Variants in ZCCHC7 observed in about 807,000 individuals in gnomAD.
ZCCHC7 encodes the protein zinc finger CCHC domain-containing protein 7.
A neutral mutation model predicts 52.0 loss-of-function variants in ZCCHC7; 35 were observed. The ratio of observed to expected loss-of-function variants is 0.67; its 90% CI spans 0.51 to 0.89. The LOEUF is 0.89. Ranked by LOEUF, ZCCHC7 falls within the 40% of genes least tolerant of loss-of-function variation. The pLI is 0.00. For synonymous variants in ZCCHC7, 217 were observed against 221.5 expected, an observed-to-expected ratio of 0.98 and a Z score of 0.18; for missense variants, 574 against 649.1, an observed-to-expected ratio of 0.88 and a Z score of 1.26.
chr9:37,255,027 A>G (rs1036747979), intron 2 of ZCCHC7, among the ~76,000 whole-genome samples: 1 of 151,788 alleles, frequency 6.6e-6, no homozygotes, highest in East Asian at 1.9e-4. Flanking sequence ...GTCTACCCTT[A>G]TCTTTAGGGA....
chr9:37,154,916 T>C (rs1323961026), intron 2 of ZCCHC7, among the ~76,000 whole-genome samples: 1 of 152,236 alleles, frequency 6.6e-6, no homozygotes, highest in Non-Finnish European at 1.5e-5. Flanking sequence ...TATTAAAGTA[T>C]AGAGAATTTA....
intron 6 of ZCCHC7, among the ~76,000 whole-genome samples, chr9:37,339,391 A>G (rs1438805620): frequency 2.6e-5 from 4 of 152,188 alleles, no homozygotes; most frequent in Non-Finnish European, 5.9e-5. Flanking sequence ...AAAGGGAGGA[A>G]AGGGAACAGT....
chr9:37,189,289 A>G (rs905954994), intron 2 of ZCCHC7, among the ~76,000 whole-genome samples: 2 of 151,636 alleles, frequency 1.3e-5, no homozygotes, highest in African/African-American at 4.8e-5. Context: ...GGTTTTCCTG[A>G]TTCTTCATTT....
intron 2 of ZCCHC7, among the ~76,000 whole-genome samples, chr9:37,175,731 ACT>A (rs778091413): frequency 2.0e-4 from 30 of 151,998 alleles, no homozygotes; most frequent in Middle Eastern, 3.4e-3. Context: ...ACAGAGTGAG[ACT>A]CTGTTTCAGT....
At chr9:37,130,680 T>C (rs1842744958) in intron 2 of ZCCHC7, among the ~76,000 whole-genome samples, 1 of 151,478 alleles carries the variant, frequency 6.6e-6, no homozygotes, top group Non-Finnish European at 1.5e-5. Context: ...TTTTTTTTAG[T>C]AGAGACGGGG....
At chr9:37,173,727 A>T (rs1197374606) in intron 2 of ZCCHC7, among the ~76,000 whole-genome samples, 2 of 152,194 alleles carry the variant, frequency 1.3e-5, no homozygotes, top group Admixed American at 6.5e-5. Context: ...GATTCTTCTG[A>T]TTAACAGCAA....
At chr9:37,122,644 A>C (rs1227640477) in intron 1 of ZCCHC7, among the ~76,000 whole-genome samples, 1 of 152,242 alleles carries the variant, frequency 6.6e-6, no homozygotes, top group African/African-American at 2.4e-5. Context: ...AACTTATTTG[A>C]AAATTTTATT....
At chr9:37,323,714 G>A (rs149952054) in intron 5 of ZCCHC7, among the ~76,000 whole-genome samples, 106 of 152,266 alleles carry the variant, frequency 7.0e-4, no homozygotes, top group Non-Finnish European at 6.0e-4. Flanking sequence ...CAGTCTTTAT[G>A]TGGAATTTTG....
intron 5 of ZCCHC7, among the ~76,000 whole-genome samples, chr9:37,312,543 GT>G (rs1426536042): frequency 6.6e-6 from 1 of 152,200 alleles, no homozygotes; most frequent in African/African-American, 2.4e-5. Flanking sequence ...TGTAGAAAGT[GT>G]GACGTAGACC....
At position 37,256,257 on chromosome 9, in the gene ZCCHC7, C is replaced by G. The variant is rs1005849172; in HGVS notation, c.611-45931C>G. 3.3e-5 allele frequency among the ~76,000 whole-genome samples: 5 copies of G among 152,248 alleles called. 1 individual carries two copies. In the Middle Eastern group the frequency reaches 0.01, roughly 311 times the overall value. On this transcript the variant is annotated intron_variant, in intron 2 of 8. Coordinates refer to ENST00000336755, the MANE Select transcript of ZCCHC7 (RefSeq NM_032226.3). ...TGTTGTGCAGCTTTATGTACTCTTT[C>G]TTTATATACTAGCCAACAGCCTACA...
At chr9:37,194,580 G>T (rs1434251012) in intron 2 of ZCCHC7, among the ~76,000 whole-genome samples, 2 of 152,268 alleles carry the variant, frequency 1.3e-5, no homozygotes, top group African/African-American at 4.8e-5. Flanking sequence ...CAGATATTGT[G>T]CCTTAAGCTT....
At chr9:37,162,134 A>G (rs1821140145) in intron 2 of ZCCHC7, among the ~76,000 whole-genome samples, 1 of 152,180 alleles carries the variant, frequency 6.6e-6, no homozygotes, top group Admixed American at 6.5e-5. Flanking sequence ...GCAAAGTGGT[A>G]CTTTTGTAAA....
At chr9:37,338,596 A>T (rs1830790709) in intron 6 of ZCCHC7, among the ~76,000 whole-genome samples, 1 of 152,180 alleles carries the variant, frequency 6.6e-6, no homozygotes, top group Non-Finnish European at 1.5e-5. Flanking sequence ...CTAAAGCAAC[A>T]CACGTTATTC....
At chr9:37,346,137 G>A (rs1357035600) in intron 6 of ZCCHC7, among the ~76,000 whole-genome samples, 1 of 151,984 alleles carries the variant, frequency 6.6e-6, no homozygotes, top group Non-Finnish European at 1.5e-5. Flanking sequence ...TGAGTAGCTG[G>A]GATTACAGGC....
rs966849394 is a variant in ZCCHC7, at chr9:37,165,732, A to G, written c.610+38790A>G. On this transcript the variant is annotated intron_variant, in intron 2 of 8. Transcript: ENST00000336755. The stretch of plus-strand genomic sequence containing the variant: ...CCAGTTCTCATGTAATTTCACATAA[A>G]CACACTCTTTGAGGCTGAAGCAAAT... Among the ~76,000 whole-genome samples the G allele has an allele frequency of 5.9e-5, 9 of 152,354 alleles. No individual in the cohort carries two copies. In the East Asian group the frequency reaches 7.7e-4, roughly 13 times the overall value.
intron 2 of ZCCHC7, among the ~76,000 whole-genome samples, chr9:37,137,881 A>G (rs1843064125): frequency 6.6e-6 from 1 of 152,190 alleles, no homozygotes; most frequent in Non-Finnish European, 1.5e-5. Context: ...TCTTAATGTC[A>G]GTAGTTTCTT....
At chr9:37,135,178 C>A (rs931079601) in intron 2 of ZCCHC7, among the ~76,000 whole-genome samples, 1 of 152,148 alleles carries the variant, frequency 6.6e-6, no homozygotes, top group Non-Finnish European at 1.5e-5. Flanking sequence ...TTTGTATCTT[C>A]TACACTAATC....
At chr9:37,246,359 A>AT (rs1211756670) in intron 2 of ZCCHC7, among the ~76,000 whole-genome samples, 1 of 152,162 alleles carries the variant, frequency 6.6e-6, no homozygotes, top group Non-Finnish European at 1.5e-5. Flanking sequence ...CAGCATGAGA[A>AT]TGTTAACTGA....
At chr9:37,212,026 C>CAAAAAAAAAAAAAAAAAAAAAAA (rs574190937) in intron 2 of ZCCHC7, among the ~76,000 whole-genome samples, 1 of 55,426 alleles carries the variant, frequency 1.8e-5, no homozygotes, top group Non-Finnish European at 3.3e-5. Flanking sequence ...GACTCCGTCT[C>CAAAAAAAAAAAAAAAAAAAAAAA]AAAAAAAAAA....
Sources: gnomAD v4.1 joint callset for allele counts (sites outside exome capture counted in the v4.1 genomes callset) on GRCh38, gnomAD v4.1.1 for gene constraint, MANE v1.5 for transcripts, NCBI Gene and HGNC (gene_info 2026-07-23, HGNC 2026-07-21) for gene names.